FOXP2: variants seen among roughly 807,000 people sequenced by gnomAD.
The protein encoded by FOXP2 is forkhead box P2.
In FOXP2, 12 loss-of-function variants were observed where a neutral mutation model predicts 115.8. The observed-to-expected ratio is 0.10, with a 90% CI of 0.07 to 0.17. The LOEUF (loss-of-function observed/expected upper bound fraction) is 0.17, where lower values mean the gene tolerates loss of function less well. FOXP2 is among the 10% of genes least tolerant of loss of function. The pLI is 1.00. For missense variants in FOXP2, 629 were observed against 843.5 expected (o/e 0.75, Z 3.15); for synonymous variants, 328 against 297.7 (o/e 1.10, Z -1.05).
chr7:114,315,450 T>C (rs865928758), intron 2 of FOXP2, among the ~76,000 whole-genome samples: 5 of 152,168 alleles, frequency 3.3e-5, no homozygotes, highest in African/African-American at 1.2e-4. Context: ...TCATTTCTAA[T>C]TGATAAAACC....
At chr7:114,657,858 A>G (rs1351835353) in intron 10 of FOXP2, among the ~76,000 whole-genome samples, 1 of 152,150 alleles carries the variant, frequency 6.6e-6, no homozygotes, top group African/African-American at 2.4e-5. Context: ...ATTGCAGTAG[A>G]TTATTAGATA....
chr7:114,540,007 A>G (rs10262462), intron 3 of FOXP2, among the ~76,000 whole-genome samples: 99,409 of 151,796 alleles, frequency 0.65, 33,455 homozygotes, highest in African/African-American at 0.81. Context: ...ATTATATTAT[A>G]TAAAGTACTT....
chr7:114,501,531 G>T (rs1797565819), intron 2 of FOXP2, among the ~76,000 whole-genome samples: 1 of 152,018 alleles, frequency 6.6e-6, no homozygotes, highest in Admixed American at 6.6e-5. Flanking sequence ...CTTACTAAAA[G>T]GTCATGCACA....
At chr7:114,237,917 G>A (rs1443118272) in intron 1 of FOXP2, among the ~76,000 whole-genome samples, 1 of 152,158 alleles carries the variant, frequency 6.6e-6, no homozygotes, top group Non-Finnish European at 1.5e-5. Flanking sequence ...AGAGGTTATA[G>A]TGAACAAAGA....
intron 2 of FOXP2, among the ~76,000 whole-genome samples, chr7:114,469,185 G>C (rs1453188676): frequency 1.3e-5 from 2 of 151,966 alleles, no homozygotes; most frequent in Admixed American, 1.3e-4. Context: ...TTTTATAAAT[G>C]GAAGATCTAA....
At chr7:114,238,816 T>C (rs75418542) in intron 1 of FOXP2, among the ~76,000 whole-genome samples, 2,710 of 151,806 alleles carry the variant, frequency 0.018, 56 homozygotes, top group African/African-American at 0.052. Context: ...GCTCTTTCAG[T>C]AACCTCTGTA....
At chr7:114,662,030 T>G (rs761909055) in intron 13 of FOXP2, 35 bp from the exon 14 acceptor site, 1 of 1,610,854 alleles carries the variant, frequency 6.2e-7, no homozygotes, top group African/African-American at 1.3e-5. Flanking sequence ...ACAATATTAT[T>G]TTTGCCATTT....
chr7:114,498,448 T>C (rs191085680), intron 2 of FOXP2, among the ~76,000 whole-genome samples: 18 of 152,190 alleles, frequency 1.2e-4, no homozygotes, highest in Admixed American at 4.6e-4. Flanking sequence ...AAAATATATA[T>C]GGAAAAAGTA....
intron 1 of FOXP2, among the ~76,000 whole-genome samples, chr7:114,188,903 A>G (rs1288605667): frequency 6.6e-6 from 1 of 152,232 alleles, no homozygotes; most frequent in African/African-American, 2.4e-5. Flanking sequence ...TTGTTTATTA[A>G]TAAACTCACT....
intron 1 of FOXP2, among the ~76,000 whole-genome samples, chr7:114,277,224 T>C (rs759803981): frequency 6.6e-6 from 1 of 152,172 alleles, no homozygotes; most frequent in Non-Finnish European, 1.5e-5. Flanking sequence ...TGTTTGCAAA[T>C]TTTATTATTT....
intron 1 of FOXP2, among the ~76,000 whole-genome samples, chr7:114,172,163 T>C (rs1793161924): frequency 6.6e-6 from 1 of 152,212 alleles, no homozygotes. Flanking sequence ...CTTAATCTAC[T>C]ACAGTATAAT....
At chr7:114,261,772 A>G (rs1432459534) in intron 1 of FOXP2, among the ~76,000 whole-genome samples, 1 of 152,204 alleles carries the variant, frequency 6.6e-6, no homozygotes, top group Non-Finnish European at 1.5e-5. Flanking sequence ...TATCCTTAGA[A>G]TAAGTACATT....
chr7:114,380,937 G>A (rs980415474), intron 2 of FOXP2, among the ~76,000 whole-genome samples: 1 of 152,156 alleles, frequency 6.6e-6, no homozygotes, highest in Non-Finnish European at 1.5e-5. Flanking sequence ...TGTTTTTTCT[G>A]TGACATATAA....
At chr7:114,399,025 G>T (rs1792811149) in intron 2 of FOXP2, among the ~76,000 whole-genome samples, 1 of 151,830 alleles carries the variant, frequency 6.6e-6, no homozygotes. Context: ...TTATCAATAA[G>T]ATTCATGATC....
intron 1 of FOXP2, among the ~76,000 whole-genome samples, chr7:114,125,529 A>T (rs1337670852): frequency 6.6e-6 from 1 of 152,124 alleles, no homozygotes; most frequent in Non-Finnish European, 1.5e-5. Context: ...CCAGCATAGA[A>T]GTTTTCAGGA....
chr7:114,273,528 T>G (rs1311445716), intron 1 of FOXP2, among the ~76,000 whole-genome samples: 2 of 152,086 alleles, frequency 1.3e-5, no homozygotes, highest in Non-Finnish European at 2.9e-5. Context: ...GATCTGCCCA[T>G]TTTTGATAGA....
Position 114,140,884 on chromosome 7 carries a change from C to T in FOXP2, c.-246-22060C>T, listed in dbSNP as rs117056968. 7.0e-3 allele frequency among the ~76,000 whole-genome samples: 1,055 copies of T among 151,280 alleles called. 9 individuals are homozygous for T. Among genetic ancestry groups the T allele is most frequent in the Non-Finnish European group, 0.011 (744 of 67,428 alleles). On this transcript the variant is annotated intron_variant, in intron 1 of 19. Coordinates refer to the FOXP2 transcript ENST00000635638. ...AGCCTCAGCATTTTGTTCTGTGATA[C>T]ACAAGGATGTTTCAACCAGATGTAC...
chr7:114,671,202 T>C (rs1352128880), intron 16 of FOXP2, among the ~76,000 whole-genome samples: 1 of 152,150 alleles, frequency 6.6e-6, no homozygotes, highest in Non-Finnish European at 1.5e-5. Flanking sequence ...CTCATCTTTT[T>C]TTTTAAGTGC....
At chr7:114,183,935 A>T (rs1793524312) in intron 1 of FOXP2, among the ~76,000 whole-genome samples, 1 of 152,128 alleles carries the variant, frequency 6.6e-6, no homozygotes, top group Non-Finnish European at 1.5e-5. Flanking sequence ...CCAGAAGATT[A>T]GTTAATGTGG....
Sources: allele counts gnomAD v4.1 joint callset (sites outside exome capture counted in the v4.1 genomes callset), GRCh38; gene constraint gnomAD v4.1.1; transcripts MANE v1.5; gene names NCBI Gene and HGNC (gene_info 2026-07-23, HGNC 2026-07-21).